PDE8B: variants seen among roughly 807,000 people sequenced by gnomAD.
The protein encoded by PDE8B is phosphodiesterase 8B.
PDE8B carries 26 observed loss-of-function variants against 101.3 expected under a neutral mutation model. The ratio of observed to expected loss-of-function variants is 0.26; its 90% CI spans 0.19 to 0.36. The LOEUF (loss-of-function observed/expected upper bound fraction) is 0.36. PDE8B is among the 10% of genes least tolerant of loss of function. The probability of loss-of-function intolerance (pLI) is 1.00; values close to 1 mark genes in which losing one functional copy is unlikely to be tolerated. For missense variants in PDE8B, 810 were observed against 1,163.1 expected (o/e 0.70, Z 4.42); for synonymous variants, 424 against 429.3 (o/e 0.99, Z 0.15).
rs35776739 is a variant in PDE8B at position 77,335,532 on chromosome 5, G to GGTGTGTGTGTGT, written c.709-1673_709-1662dup. Among the ~76,000 whole-genome samples the GGTGTGTGTGTGT allele has an allele frequency of 2.1e-4, 31 of 145,678 alleles. 1 individual carries two copies. In the East Asian group the frequency reaches 5.6e-3, roughly 26 times the overall value. On this transcript the variant is annotated intron_variant, in intron 5 of 21. Transcript: ENST00000264917. ...GCCAACCACTCCAGTGTATATGTGG[G>GGTGTGTGTGTGT]GTGTGTGTGTGTGTGTGTGTGTGTG...
intron 1 of PDE8B, among the ~76,000 whole-genome samples, chr5:77,295,334 G>A (rs1325927853): frequency 6.6e-6 from 1 of 152,160 alleles, no homozygotes; most frequent in Non-Finnish European, 1.5e-5. Context: ...TACTGTGACT[G>A]GAGAAACTTT....
intron 1 of PDE8B, among the ~76,000 whole-genome samples, chr5:77,248,663 A>C (rs1757457039): frequency 6.6e-6 from 1 of 152,180 alleles, no homozygotes; most frequent in African/African-American, 2.4e-5. Context: ...GGAAAGAAAC[A>C]ATCTACTTAT....
intron 10 of PDE8B, among the ~76,000 whole-genome samples, chr5:77,355,947 CCA>C (rs1286678275): frequency 6.6e-6 from 1 of 152,192 alleles, no homozygotes; most frequent in Non-Finnish European, 1.5e-5. Context: ...TGGAACACAG[CCA>C]CACTCTCTAG....
intron 1 of PDE8B, among the ~76,000 whole-genome samples, chr5:77,308,898 A>G (rs1219097400): frequency 6.6e-6 from 1 of 152,116 alleles, no homozygotes; most frequent in Non-Finnish European, 1.5e-5. Context: ...TATACAGGCA[A>G]CTGGGCACAA....
intron 2 of PDE8B, among the ~76,000 whole-genome samples, chr5:77,319,434 C>G (rs562817679): frequency 6.6e-6 from 1 of 152,002 alleles, no homozygotes; most frequent in Non-Finnish European, 1.5e-5. Context: ...CCTATCTCTC[C>G]GTGATAAACC....
intron 1 of PDE8B, among the ~76,000 whole-genome samples, chr5:77,223,078 A>G (rs1478591522): frequency 2.0e-5 from 3 of 152,218 alleles, no homozygotes; most frequent in Non-Finnish European, 4.4e-5. Context: ...TGCACATGTA[A>G]TTGTAAAATT....
the PDE8B span, among the ~76,000 whole-genome samples, chr5:77,116,218 A>AT: frequency 1.3e-5 from 1 of 75,144 alleles, no homozygotes; most frequent in African/African-American, 7.5e-5. Flanking sequence ...ATATATATAT[A>AT]TATATATTTT....
At chr5:77,352,181 C>T (rs1197305019) in intron 9 of PDE8B, among the ~76,000 whole-genome samples, 1 of 152,198 alleles carries the variant, frequency 6.6e-6, no homozygotes, top group Non-Finnish European at 1.5e-5. Context: ...GAGAGGCTGC[C>T]CCTCGGCCCT....
the PDE8B span, among the ~76,000 whole-genome samples, chr5:77,121,209 C>T: frequency 6.6e-6 from 1 of 152,186 alleles, no homozygotes; most frequent in Non-Finnish European, 1.5e-5. Flanking sequence ...GCCAAGGCTG[C>T]ATTCATCGGA....
At chr5:77,359,941 C>T (rs1355084257) in intron 10 of PDE8B, among the ~76,000 whole-genome samples, 4 of 151,896 alleles carry the variant, frequency 2.6e-5, no homozygotes, top group Admixed American at 6.6e-5. Context: ...ACGAAAAATA[C>T]AAAAATTAGC....
intron 2 of PDE8B, among the ~76,000 whole-genome samples, chr5:77,316,824 T>G (rs1773861007): frequency 6.6e-6 from 1 of 152,200 alleles, no homozygotes; most frequent in Non-Finnish European, 1.5e-5. Flanking sequence ...ACCTGGAACA[T>G]TACCAGTGCT....
At chr5:77,088,963 A>G in the PDE8B span, among the ~76,000 whole-genome samples, 5 of 152,186 alleles carry the variant, frequency 3.3e-5, no homozygotes, top group Non-Finnish European at 5.9e-5. Flanking sequence ...TCCTTAAAAG[A>G]AGAACAAGAA....
the PDE8B span, among the ~76,000 whole-genome samples, chr5:77,203,116 G>A: frequency 6.6e-6 from 1 of 152,182 alleles, no homozygotes; most frequent in Non-Finnish European, 1.5e-5. Context: ...CCAAAATCAT[G>A]TTATTCTCTT....
In PDE8B at chr5:77,325,733, C is replaced by T; in HGVS notation, c.590+4C>T. ...TCGATGCAGAAGCAGTGTGCAGGTA[C>T]CTTCTCTAATTTAATATGCTTAGTA... is the stretch of plus-strand genomic sequence containing the variant. On this transcript the variant is annotated splice_donor_region_variant and intron_variant, in intron 3 of 21. Transcript: ENST00000264917. 6.3e-7 allele frequency: 1 copy of T among 1,594,260 alleles called. No individual in the cohort carries two copies. Among genetic ancestry groups the T allele is most frequent in the Non-Finnish European group, 8.6e-7 (1 of 1,162,188 alleles).
At chr5:77,364,376 T>C (rs748168928) in intron 10 of PDE8B, among the ~76,000 whole-genome samples, 3 of 152,210 alleles carry the variant, frequency 2.0e-5, no homozygotes, top group Non-Finnish European at 4.4e-5. Context: ...AAGATTAGAC[T>C]CAAGCGTCTG....
chr5:77,373,180 C>G (rs560258256), intron 10 of PDE8B, among the ~76,000 whole-genome samples: 5 of 152,112 alleles, frequency 3.3e-5, no homozygotes, highest in African/African-American at 1.2e-4. Flanking sequence ...TTACTTTTCT[C>G]TATTGTTAAT....
chr5:77,276,417 C>T (rs1244612507), intron 1 of PDE8B, among the ~76,000 whole-genome samples: 1 of 152,216 alleles, frequency 6.6e-6, no homozygotes, highest in African/African-American at 2.4e-5. Context: ...TTCCTATTAT[C>T]TGATTTATTT....
the PDE8B span, chr5:77,147,212 C>A: frequency 1.3e-5 from 4 of 305,250 alleles, no homozygotes; most frequent in African/African-American, 6.7e-5. Context: ...AGCATTTAAA[C>A]CCCCTGTTTA....
the PDE8B span, chr5:77,145,550 T>C: frequency 2.6e-5 from 4 of 152,218 alleles, no homozygotes; most frequent in Admixed American, 6.5e-5. Context: ...CAGAGATTAA[T>C]GGTGTATCTC....
Sources: gnomAD v4.1 joint callset for allele counts (sites outside exome capture counted in the v4.1 genomes callset) on GRCh38, gnomAD v4.1.1 for gene constraint, MANE v1.5 for transcripts, NCBI Gene and HGNC (gene_info 2026-07-23, HGNC 2026-07-21) for gene names.